ATRX: variants seen among roughly 807,000 people sequenced by gnomAD.
ATRX encodes chromatin remodeler ATRX.
ATRX carries 12 observed loss-of-function variants against 172.6 expected under a neutral mutation model. That is an observed-to-expected ratio of 0.07 (90% CI 0.04 to 0.11). The LOEUF is 0.11. Among genes scored for constraint, ATRX ranks in the 10% least tolerant of loss-of-function variants. ATRX has a pLI of 1.00. For synonymous variants in ATRX, 674 were observed against 594.7 expected (o/e 1.13, Z -1.94); for missense variants, 1,368 against 1,767.4 (o/e 0.77, Z 4.05).
chrX:77,720,474 T>TA (rs1455423251), intron 1 of ATRX, among the ~76,000 whole-genome samples: 3 of 110,222 alleles, frequency 2.7e-5, no homozygotes, highest in South Asian at 3.8e-4. Context: ...ATAGATGCAA[T>TA]AAAAAATGAT....
At chrX:77,735,378 C>T (rs183301308) in intron 1 of ATRX, among the ~76,000 whole-genome samples, 1,291 of 111,513 alleles carry the variant, frequency 0.012, 56 homozygotes, top group Admixed American at 0.11. Context: ...AGGCGGATCA[C>T]GAGGTCAGGA....
At chrX:77,692,452 C>A (rs1018371370) in intron 6 of ATRX, among the ~76,000 whole-genome samples, 1 of 111,507 alleles carries the variant, frequency 9.0e-6, no homozygotes, top group South Asian at 3.7e-4. Context: ...AACAACCTTA[C>A]AAATTATTTA....
At chrX:77,555,212 A>C (rs369181081) in intron 30 of ATRX, among the ~76,000 whole-genome samples, 79 of 111,683 alleles carry the variant, frequency 7.1e-4, no homozygotes, top group African/African-American at 1.4e-3. Flanking sequence ...AGGAAACAAC[A>C]GATGCTGGTG....
At chrX:77,521,379 T>C in intron 33 of ATRX, 24 bp downstream of exon 33, 1 of 1,156,326 alleles carries the variant, frequency 8.6e-7, no homozygotes, top group Non-Finnish European at 1.2e-6. Context: ...GAGGTTGGAA[T>C]AAGACAATTG....
At chrX:77,747,258 T>A (rs1346517059) in intron 1 of ATRX, among the ~76,000 whole-genome samples, 1 of 111,041 alleles carries the variant, frequency 9.0e-6, no homozygotes, top group East Asian at 2.8e-4. Context: ...ACGCAGTAGA[T>A]CATACTTGTA....
At chrX:77,756,404 G>GAAA (rs1267744090) in intron 1 of ATRX, among the ~76,000 whole-genome samples, 1 of 101,549 alleles carries the variant, frequency 9.8e-6, no homozygotes, top group African/African-American at 3.6e-5. Flanking sequence ...TGAAGAGGGG[G>GAAA]AAAAAAAAAA....
intron 1 of ATRX, among the ~76,000 whole-genome samples, chrX:77,749,287 T>C (rs1282759275): frequency 9.0e-6 from 1 of 111,300 alleles, no homozygotes; most frequent in Non-Finnish European, 1.9e-5. Context: ...TTTTTTTTTC[T>C]TTTTTGTGGC....
intron 1 of ATRX, among the ~76,000 whole-genome samples, chrX:77,725,285 T>C (rs2073979074): frequency 9.0e-6 from 1 of 111,295 alleles, no homozygotes; most frequent in Non-Finnish European, 1.9e-5. Context: ...TATAGAACAA[T>C]GGAACAAAAC....
At chrX:77,618,276 C>G (rs1294265357) in intron 21 of ATRX, among the ~76,000 whole-genome samples, 1 of 111,762 alleles carries the variant, frequency 8.9e-6, no homozygotes, top group Admixed American at 9.6e-5. Context: ...AGACACTTAT[C>G]CATTCATTAA....
intron 7 of ATRX, among the ~76,000 whole-genome samples, chrX:77,685,615 T>C (rs1412916882): frequency 8.9e-6 from 1 of 111,766 alleles, no homozygotes; most frequent in Non-Finnish European, 1.9e-5. Context: ...ACAATCACTA[T>C]AGAAAACAGT....
chrX:77,580,433 A>G (rs1344369700), intron 27 of ATRX, among the ~76,000 whole-genome samples: 3 of 112,243 alleles, frequency 2.7e-5, no homozygotes, highest in East Asian at 2.8e-4. Flanking sequence ...AACAAGTAAC[A>G]TACAATGGAT....
chrX:77,782,724 G>GC (rs1387322661), intron 1 of ATRX, among the ~76,000 whole-genome samples: 1 of 111,728 alleles, frequency 9.0e-6, no homozygotes, highest in Admixed American at 9.6e-5. Context: ...TTGCACTCCA[G>GC]CCTGGGCAAC....
intron 14 of ATRX, 70 bp downstream of exon 14, chrX:77,654,028 G>A: frequency 1.1e-6 from 1 of 878,990 alleles, no homozygotes; most frequent in South Asian, 2.0e-5. Context: ...GGAACAGAGA[G>A]GTAACAGCAT....
At position 77,558,881 on chromosome X, in the gene ATRX, A is replaced by T. The variant is rs782050372; in HGVS notation, c.6327-35T>A. The T allele has an allele frequency of 3.2e-5, 34 of 1,066,529 alleles. No homozygotes were observed. In the East Asian group the frequency reaches 6.4e-4, roughly 20 times the overall value. The allele number at this position is 1,066,529 out of a possible 1,213,427, so 87.9% of individuals were successfully genotyped here. A position where few individuals can be genotyped will look rare whatever the true frequency, so the allele number is the denominator to read the frequency against. ...AAAATATAGAATAAATGCTTCAGTA[A>T]TTAGTACTTTACAAATATTTTAATT... On this transcript the variant is annotated intron_variant, in intron 28 of 34. Coordinates refer to ENST00000373344, the MANE Select transcript of ATRX (RefSeq NM_000489.6).
chrX:77,663,839 C>T (rs1323004076), intron 11 of ATRX, among the ~76,000 whole-genome samples: 9 of 111,760 alleles, frequency 8.1e-5, no homozygotes, highest in African/African-American at 2.9e-4. Context: ...CAGTGGCTCA[C>T]ACCTGTAATC....
At chrX:77,595,041 AT>A (rs1192346926) in intron 25 of ATRX, 7 of 111,653 alleles carry the variant, frequency 6.3e-5, no homozygotes, top group Non-Finnish European at 1.3e-4. Flanking sequence ...TGCTGAGTAT[AT>A]TTTTCTTAAA....
intron 9 of ATRX, among the ~76,000 whole-genome samples, chrX:77,679,763 C>A (rs1157463327): frequency 1.8e-5 from 2 of 111,179 alleles, no homozygotes; most frequent in African/African-American, 6.5e-5. Flanking sequence ...AGAGAAGATC[C>A]AAATAAATAA....
In ATRX at chrX:77,683,458, T is replaced by C. The variant is rs375129029; in HGVS notation, c.1798A>G (p.Ile600Val). ...LTPVSLSNSP[I>V]KGADCQEVPQ... is the part of the protein sequence containing the mutation. ...ACTTCCTGACAATCAGCACCTTTAATTGGGGAATTAGAAAGGGAAACAGGA... is the reference window on the plus strand; with the variant it reads ...ACTTCCTGACAATCAGCACCTTTAACTGGGGAATTAGAAAGGGAAACAGGA... Residue 600 changes from isoleucine (I) to valine (V), a missense_variant, in exon 9 of 35, where the codon ATT becomes GTT. Ile to Val is a conservative substitution (Grantham distance 29). Coordinates refer to ENST00000373344, the MANE Select transcript of ATRX (RefSeq NM_000489.6). 28 of 1,208,699 alleles carry C rather than the reference T, an allele frequency of 2.3e-5. No individual in the cohort carries two copies. In the African/African-American group the frequency reaches 2.8e-4, roughly 12 times the overall value.
chrX:77,637,024 AAGAAGGAAGG>A (rs1569533853), intron 15 of ATRX, among the ~76,000 whole-genome samples: 1 of 105,113 alleles, frequency 9.5e-6, no homozygotes, highest in African/African-American at 3.5e-5. Context: ...GAGGAGGAAG[AAGAAGGAAGG>A]AGGAGGAAGG....
Sources: allele counts gnomAD v4.1 joint callset (sites outside exome capture counted in the v4.1 genomes callset), GRCh38; gene constraint gnomAD v4.1.1; transcripts MANE v1.5; gene names NCBI Gene and HGNC (gene_info 2026-07-23, HGNC 2026-07-21).